Variants in SPTY2D1 observed in about 807,000 individuals in gnomAD.
SPTY2D1 encodes SPT2 chromatin protein domain containing 1.
In SPTY2D1, 21 loss-of-function variants were observed where a neutral mutation model predicts 64.0. That is an observed-to-expected ratio of 0.33 (90% CI 0.23 to 0.47). The LOEUF (loss-of-function observed/expected upper bound fraction) is 0.47. SPTY2D1 is among the 20% of genes least tolerant of loss of function. The pLI, the probability that SPTY2D1 is intolerant of heterozygous loss-of-function variation, is 1.00. For missense variants in SPTY2D1, 724 were observed against 837.2 expected (o/e 0.86, Z 1.67); for synonymous variants, 287 against 286.8 (o/e 1.00, Z -0.01).
chr11:18,624,717 G>C (rs1317133146), intron 1 of SPTY2D1, among the ~76,000 whole-genome samples: 1 of 152,148 alleles, frequency 6.6e-6, no homozygotes, highest in African/African-American at 2.4e-5. Context: ...GTCAATCCCT[G>C]GCCAGGCGTG....
At chr11:18,611,837 A>G (rs545414679) in intron 4 of SPTY2D1, among the ~76,000 whole-genome samples, 56 of 152,308 alleles carry the variant, frequency 3.7e-4, no homozygotes, top group African/African-American at 1.3e-3. Flanking sequence ...ACTCACCTAC[A>G]TTTACTTGAT....
chr11:18,622,304 A>G (rs1156912784), intron 1 of SPTY2D1, among the ~76,000 whole-genome samples: 6 of 151,874 alleles, frequency 4.0e-5, no homozygotes, highest in Admixed American at 6.6e-5. Context: ...CTGAGGTGGA[A>G]GGACTGATTG....
At chr11:18,624,475 C>T (rs141990453) in intron 1 of SPTY2D1, among the ~76,000 whole-genome samples, 65 of 152,356 alleles carry the variant, frequency 4.3e-4, no homozygotes, top group Non-Finnish European at 6.0e-4. Flanking sequence ...CATTCTGCTA[C>T]ACCCCAATGA....
At position 18,616,169 on chromosome 11, in the gene SPTY2D1, A is replaced by G. The variant is rs1362054370; in HGVS notation, c.176-71T>C. ...GATTGCAGTATGCTCAAGTGAAAAC[A>G]CAACGTTCAGGTTACAGTTTGAAGA... On this transcript the variant is annotated intron_variant, in intron 2 of 5. Transcript: ENST00000336349. The G allele has an allele frequency of 2.9e-6, 4 of 1,379,052 alleles. No homozygotes were observed. In the African/African-American group the frequency reaches 5.8e-5, roughly 20 times the overall value. The allele number at this position is 1,379,052 out of a possible 1,614,324, so 85.4% of individuals were successfully genotyped here.
chr11:18,620,136 C>T (rs1854369363), intron 1 of SPTY2D1, among the ~76,000 whole-genome samples: 1 of 152,090 alleles, frequency 6.6e-6, no homozygotes, highest in South Asian at 2.1e-4. Flanking sequence ...ATGATTTTTG[C>T]CTTTGTGGTA....
At chr11:18,620,882 A>C (rs1274855893) in intron 1 of SPTY2D1, among the ~76,000 whole-genome samples, 1 of 101,272 alleles carries the variant, frequency 9.9e-6, no homozygotes, top group Admixed American at 9.9e-5. Flanking sequence ...GCAAGACTCT[A>C]TCTCAAAAAA....
In SPTY2D1 at chr11:18,612,769, C is replaced by A. The variant is rs1012045262; in HGVS notation, c.1712-281G>T. Among the ~76,000 whole-genome samples the A allele has an allele frequency of 5.6e-5, 8 of 143,058 alleles. No individual in the cohort carries two copies. The highest frequency in any genetic ancestry group is 1.4e-4 in the Admixed American group (2 of 14,224). The allele number at this position is 143,058 out of a possible 152,430, so 93.9% of individuals were successfully genotyped here. On this transcript the variant is annotated intron_variant, in intron 3 of 5. Transcript: ENST00000336349. This position sits in a 1 kb window ranked among gnomAD's most constrained non-coding sequence, Gnocchi z 4.6. ...TAAGATCAGTAAAATTTCTTTCTTT[C>A]TTTTTTTTTTTTTTGAGACAGAGTT...
At chr11:18,628,478 CCAGTGGAGAAT>C (rs772721953) in intron 1 of SPTY2D1, among the ~76,000 whole-genome samples, 76 of 152,162 alleles carry the variant, frequency 5.0e-4, no homozygotes, top group Non-Finnish European at 8.7e-4. Context: ...TAGGGGTAGC[CCAGTGGAGAAT>C]CATGTTTATA....
intron 2 of SPTY2D1, 25 bp downstream of exon 2, chr11:18,616,850 T>A: frequency 6.2e-7 from 1 of 1,603,554 alleles, no homozygotes; most frequent in Non-Finnish European, 8.5e-7. Flanking sequence ...ACTTTAAAAT[T>A]GAGAATAAGG....
At chr11:18,616,718 A>G (rs1854304462) in intron 2 of SPTY2D1, among the ~76,000 whole-genome samples, 157 bp downstream of exon 2, 1 of 130,734 alleles carries the variant, frequency 7.6e-6, no homozygotes. Flanking sequence ...CCATGAATAC[A>G]GTCAGTTAAC....
Position 18,614,694 on chromosome 11 carries a change from G to C in SPTY2D1, c.1580C>G (p.Ser527Ter). ...GCACTTAGGCTTTATAGTGGGACCT[G>C]AGCTACTAACTGTTTGCCCAGGTCC... ...SLGPGQTVSS[S>*]GPTIKPKCTV... is the part of the protein sequence containing the mutation. The change falls in exon 3 of 6, where the codon TCA becomes TGA. Residue 527 changes from serine (S) to a stop codon, truncating the protein, a stop_gained. Coordinates refer to ENST00000336349, the MANE Select transcript of SPTY2D1 (RefSeq NM_194285.3). LOFTEE classifies it high-confidence loss of function. The C allele has an allele frequency of 3.1e-6, 5 of 1,614,244 alleles. No homozygotes were observed. The highest frequency in any genetic ancestry group is 3.4e-6 in the Non-Finnish European group (4 of 1,180,028).
At chr11:18,621,323 C>CAGAAAAGAAAAGAAAAGAAA (rs55880127) in intron 1 of SPTY2D1, among the ~76,000 whole-genome samples, 6,573 of 137,558 alleles carry the variant, frequency 0.048, 231 homozygotes, top group South Asian at 0.071. Flanking sequence ...TCTCAAAAAA[C>CAGAAAAGAAAAGAAAAGAAA]AGAAAAGAAA....
chr11:18,627,737 G>C (rs1854521391), intron 1 of SPTY2D1, among the ~76,000 whole-genome samples: 1 of 152,186 alleles, frequency 6.6e-6, no homozygotes, highest in Admixed American at 6.5e-5. Flanking sequence ...AAAGTAGCCA[G>C]GCATGGTGGC....
intron 3 of SPTY2D1, among the ~76,000 whole-genome samples, chr11:18,613,721 T>C (rs1854243251): frequency 6.6e-6 from 1 of 152,234 alleles, no homozygotes; most frequent in Admixed American, 6.5e-5. Context: ...TTAATAAATC[T>C]CTATTAGCAT....
chr11:18,620,508 C>T (rs555027030), intron 1 of SPTY2D1, among the ~76,000 whole-genome samples: 4 of 150,894 alleles, frequency 2.7e-5, no homozygotes, highest in African/African-American at 4.9e-5. Context: ...CATCATGAGC[C>T]GTTATTATAG....
chr11:18,624,072 T>C (rs1194140686), intron 1 of SPTY2D1, among the ~76,000 whole-genome samples: 1 of 152,230 alleles, frequency 6.6e-6, no homozygotes, highest in Non-Finnish European at 1.5e-5. Flanking sequence ...CACAGATCTT[T>C]TTCTCATTGA....
intron 3 of SPTY2D1, 151 bp downstream of exon 3, chr11:18,614,412 C>T (rs1854254563): frequency 2.5e-6 from 2 of 804,750 alleles, no homozygotes; most frequent in Admixed American, 5.7e-5. Context: ...AACTCTCAAC[C>T]ACAAGGCAGA....
At chr11:18,611,836 C>T (rs1222145944) in intron 4 of SPTY2D1, among the ~76,000 whole-genome samples, 1 of 152,146 alleles carries the variant, frequency 6.6e-6, no homozygotes, top group Non-Finnish European at 1.5e-5. Context: ...CACTCACCTA[C>T]ATTTACTTGA....
chr11:18,610,178 C>T, intron 5 of SPTY2D1: 1 of 436,994 alleles, frequency 2.3e-6, no homozygotes, highest in East Asian at 3.5e-5. Flanking sequence ...AAAAACCTTA[C>T]TATTTCCATT....
Sources: allele counts gnomAD v4.1 joint callset (sites outside exome capture counted in the v4.1 genomes callset), GRCh38; gene constraint gnomAD v4.1.1; non-coding constraint Gnocchi (gnomAD v3.1); transcripts MANE v1.5; gene names NCBI Gene and HGNC (gene_info 2026-07-23, HGNC 2026-07-21).